The following CLEC4G variants were observed in gnomAD, a reference collection of about 807,000 sequenced individuals.
CLEC4G encodes the protein C-type lectin domain family 4 member G.
CLEC4G carries 34 observed loss-of-function variants against 37.0 expected under a neutral mutation model. The ratio of observed to expected loss-of-function variants is 0.92; its 90% CI spans 0.70 to 1.22. The LOEUF (loss-of-function observed/expected upper bound fraction) is 1.22, where lower values mean the gene tolerates loss of function less well. CLEC4G is among the 50% of genes most tolerant of loss of function. The pLI, the probability that CLEC4G is intolerant of heterozygous loss-of-function variation, is 0.00. For missense variants in CLEC4G, 390 were observed against 392.9 expected (o/e 0.99, Z 0.06); for synonymous variants, 167 against 165.6 (o/e 1.01, Z -0.06).
At position 7,731,294 on chromosome 19, in the gene CLEC4G, A is replaced by G. The variant is rs1245751204; in HGVS notation, c.192T>C (p.Leu64=). 5 of 1,586,398 alleles carry G rather than the reference A, an allele frequency of 3.2e-6. No homozygotes were observed. Among genetic ancestry groups the G allele is most frequent in the Non-Finnish European group, 4.3e-6 (5 of 1,170,784 alleles). The part of the protein sequence containing the change: ...SKASTERAAL[L]DGHDLLRTNA... ...TTGTCCTCAGCAGGTCGTGGCCGTC[A>G]AGCAGCGCCGCGCGCTCCGTGGAGG... The change falls in exon 3 of 9, where the codon CTT becomes CTC. Residue 64 remains leucine, a synonymous_variant. Transcript: ENST00000328853.
In CLEC4G at chr19:7,731,478, C is replaced by CT. The variant is rs1271397633; in HGVS notation, c.167-160dup. On this transcript the variant is annotated intron_variant, in intron 2 of 8. Coordinates refer to ENST00000328853, the MANE Select transcript of CLEC4G (RefSeq NM_198492.4). ...CCGATGGGAGACAAACGCGCGGGGA[C>CT]TCGCGCACATACGAGCACGCCATGT... The CT allele has an allele frequency of 2.7e-6, 4 of 1,474,372 alleles. No individual in the cohort carries two copies. The East Asian group carries it at 7.5e-5, about 27-fold the overall frequency. The allele number at this position is 1,474,372 out of a possible 1,614,324, so 91.3% of individuals were successfully genotyped here.
Position 7,730,495 on chromosome 19 carries a change from C to A in CLEC4G, c.389-55G>T. 1 of 1,583,102 alleles carries A rather than the reference C, an allele frequency of 6.3e-7. No individual in the cohort carries two copies. The highest frequency in any genetic ancestry group is 8.5e-7 in the Non-Finnish European group (1 of 1,172,530). ...CTGGGGTCAGGGCCAGGACCAGGGT[C>A]ATGACTAGCTAAAGGTCAGGACCCC... On this transcript the variant is annotated intron_variant, in intron 5 of 8. Transcript: ENST00000328853. The surrounding 1 kb of genome is among the most constrained non-coding windows in gnomAD (Gnocchi z 7.3).
Position 7,729,048 on chromosome 19 carries a change from C to T in CLEC4G, c.*318G>A. The T allele has an allele frequency of 2.2e-6, 1 of 451,634 alleles. No individual in the cohort carries two copies. The highest frequency in any genetic ancestry group is 4.2e-6 in the Non-Finnish European group (1 of 237,580). The allele number at this position is 451,634 out of a possible 1,614,324, so 28.0% of individuals were successfully genotyped here. On this transcript the variant is annotated 3_prime_UTR_variant, in exon 9 of 9. Coordinates refer to ENST00000328853, the MANE Select transcript of CLEC4G (RefSeq NM_198492.4). ...TGGAAAATGCGAGAAAACCAAACAG[C>T]TCCAGTCCTCAGTCACCTAACCTTG...
Position 7,730,575 on chromosome 19 carries a change from G to T in CLEC4G, c.389-135C>A, listed in dbSNP as rs2033413509. 3 of 1,460,834 alleles carry T rather than the reference G, an allele frequency of 2.1e-6. No individual in the cohort carries two copies. The highest frequency in any genetic ancestry group is 2.7e-6 in the Non-Finnish European group (3 of 1,108,982). The allele number at this position is 1,460,834 out of a possible 1,614,324, so 90.5% of individuals were successfully genotyped here. On this transcript the variant is annotated intron_variant, in intron 5 of 8. Transcript: ENST00000328853. This position sits in a 1 kb window ranked among gnomAD's most constrained non-coding sequence, Gnocchi z 7.3. ...GCGTCCAGGATGGCACAGGGTCAAG[G>T]GCGGTTACAACTGGGCAGGGTCCGG...
Position 7,731,721 on chromosome 19 carries a change from G to C in CLEC4G, c.106C>G (p.Leu36Val), listed in dbSNP as rs1189452460. The C allele has an allele frequency of 1.9e-6, 3 of 1,614,084 alleles. No homozygotes were observed. Among genetic ancestry groups the C allele is most frequent in the Admixed American group, 1.7e-5 (1 of 60,010 alleles). ...AGGACTGTGGTGACCAGGACAGCCAGGGCCAAGAAGAGGGGTCTCCTGCTC... is the reference window on the plus strand; with the variant it reads ...AGGACTGTGGTGACCAGGACAGCCACGGCCAAGAAGAGGGGTCTCCTGCTC... ...HWSRRPLFLA[L>V]AVLVTTVLWA... The change falls in exon 2 of 9, where the codon CTG becomes GTG. Residue 36 changes from leucine (L) to valine (V), a missense_variant. Coordinates refer to ENST00000328853, the MANE Select transcript of CLEC4G (RefSeq NM_198492.4).
chr19:7,729,673 T>G, intron 8 of CLEC4G, 148 bp downstream of exon 8: 3 of 1,416,072 alleles, frequency 2.1e-6, no homozygotes, highest in Non-Finnish European at 2.8e-6. Context: ...ACGCCCAGAA[T>G]TTAACCTGAG....
intron 3 of CLEC4G, 77 bp downstream of exon 3, chr19:7,731,189 C>A (rs1016813912): frequency 1.9e-6 from 3 of 1,574,120 alleles, no homozygotes; most frequent in Non-Finnish European, 1.7e-6. Flanking sequence ...CCCACGCACT[C>A]GAGACTCCAT....
chr19:7,731,446 A>G (rs2033431543), intron 2 of CLEC4G, 127 bp from the exon 3 acceptor site: 3 of 1,485,184 alleles, frequency 2.0e-6, no homozygotes, highest in Admixed American at 4.4e-5. Flanking sequence ...CACGATGTGC[A>G]CACACGCCGA....
chr19:7,731,901 G>A, intron 1 of CLEC4G, 130 bp from the exon 2 acceptor site: 1 of 1,521,498 alleles, frequency 6.6e-7, no homozygotes, highest in Non-Finnish European at 8.9e-7. Flanking sequence ...AAGCGGCAGA[G>A]TTGGAATTGG....
At position 7,729,722 on chromosome 19, in the gene CLEC4G, G is replaced by C. The variant is rs182623275; in HGVS notation, c.743+99C>G. On this transcript the variant is annotated intron_variant, in intron 8 of 8. Coordinates refer to ENST00000328853, the MANE Select transcript of CLEC4G (RefSeq NM_198492.4). ...GTCCAGCCTGCCCATCCCTAAGTAT[G>C]GAGCCCCAGCCGAGGGGTCCCTGAG... 2.6e-6 allele frequency: 4 copies of C among 1,547,050 alleles called. 1 individual carries two copies. The Admixed American group carries it at 6.0e-5, about 23-fold the overall frequency.
At chr19:7,731,196 C>G in intron 3 of CLEC4G, 70 bp downstream of exon 3, 2 of 1,572,116 alleles carry the variant, frequency 1.3e-6, no homozygotes, top group Non-Finnish European at 1.7e-6. Flanking sequence ...ACTCGAGACT[C>G]CATCTCCGGG....
Position 7,729,101 on chromosome 19 carries a change from C to T in CLEC4G, c.*265G>A, listed in dbSNP as rs773366160. On this transcript the variant is annotated 3_prime_UTR_variant, in exon 9 of 9. Transcript: ENST00000328853. Reference sequence around the variant, plus strand: ...TAGGGAGAGAAGTGGAGGCATATCACGGGGACGCAGGAGCAGGGATTTTGG... The same window carrying T: ...TAGGGAGAGAAGTGGAGGCATATCATGGGGACGCAGGAGCAGGGATTTTGG... The T allele has an allele frequency of 1.0e-5, 6 of 598,548 alleles. No homozygotes were observed. The highest frequency in any genetic ancestry group is 3.7e-5 in the African/African-American group (2 of 54,728). 37.1% of individuals were successfully genotyped at this position (598,548 alleles called of 1,614,324 possible). A position where few individuals can be genotyped will look rare whatever the true frequency, so the allele number is the denominator to read the frequency against.
In CLEC4G at chr19:7,730,520, C is replaced by G. The variant is rs2033412911; in HGVS notation, c.389-80G>C. The G allele has an allele frequency of 1.3e-6, 2 of 1,545,018 alleles. No homozygotes were observed. Among genetic ancestry groups the G allele is most frequent in the African/African-American group, 1.4e-5 (1 of 73,540 alleles). On this transcript the variant is annotated intron_variant, in intron 5 of 8. Transcript: ENST00000328853. This position sits in a 1 kb window ranked among gnomAD's most constrained non-coding sequence, Gnocchi z 7.3. ...CATGACTAGCTAAAGGTCAGGACCC[C>G]TGTCTGTGGTCATTGTACCCTCGGT...
Position 7,732,041 on chromosome 19 carries a change from C to G in CLEC4G, c.55+7G>C. 1 of 1,601,094 alleles carries G rather than the reference C, an allele frequency of 6.2e-7. No individual in the cohort carries two copies. Among genetic ancestry groups the G allele is most frequent in the Non-Finnish European group, 8.6e-7 (1 of 1,168,126 alleles). On this transcript the variant is annotated splice_region_variant and intron_variant, in intron 1 of 8. Coordinates refer to ENST00000328853, the MANE Select transcript of CLEC4G (RefSeq NM_198492.4). Reference sequence around the variant, plus strand: ...GGGCAGGGATGGGGCAGTCTCCTTGCTCATACCTCCGGGGACCTCCTCGGA... The same window carrying G: ...GGGCAGGGATGGGGCAGTCTCCTTGGTCATACCTCCGGGGACCTCCTCGGA...
rs948000763 is a variant in CLEC4G at position 7,729,365 on chromosome 19, G to T, written c.*1C>A. On this transcript the variant is annotated 3_prime_UTR_variant, in exon 9 of 9. Transcript: ENST00000328853. ...GCGCGGCTCCAGGGCACTGGGCGGGGTCAGCAGTTGTGCCTTTTCTCACAG... is the reference window on the plus strand; with the variant it reads ...GCGCGGCTCCAGGGCACTGGGCGGGTTCAGCAGTTGTGCCTTTTCTCACAG... 1.1e-5 allele frequency: 18 copies of T among 1,602,128 alleles called. No homozygotes were observed. Among genetic ancestry groups the T allele is most frequent in the African/African-American group, 2.7e-5 (2 of 74,690 alleles).
In CLEC4G at chr19:7,729,438, C is replaced by A. The variant is rs768163844; in HGVS notation, c.810G>T (p.Thr270=). The A allele has an allele frequency of 6.2e-7, 1 of 1,602,146 alleles. No individual in the cohort carries two copies. The highest frequency in any genetic ancestry group is 1.7e-5 in the Admixed American group (1 of 59,968). Residue 270 remains threonine (T), a synonymous_variant, in exon 9 of 9, where the codon ACG becomes ACT. Transcript: ENST00000328853. The part of the protein sequence containing the change: ...GRENCVMMLH[T]GLWNDAPCDS... ...CACACGGTGCGTCGTTCCACAGCCC[C>A]GTGTGCAGCATCATGACACAGTTCT...
At chr19:7,731,502 G>T (rs115469221) in intron 2 of CLEC4G, among the ~76,000 whole-genome samples, 159 bp downstream of exon 2, 3,581 of 152,336 alleles carry the variant, frequency 0.024, 118 homozygotes, top group African/African-American at 0.069. Context: ...AGCACGCCAT[G>T]TGCACACGCG....
At position 7,729,933 on chromosome 19, in the gene CLEC4G, A is replaced by T; in HGVS notation, c.631T>A (p.Phe211Ile). The change falls in exon 8 of 9, where the codon TTC becomes ATC. Residue 211 changes from phenylalanine to isoleucine, a missense_variant. Phe to Ile is a conservative substitution (Grantham distance 21, BLOSUM62 0). Transcript: ENST00000328853. ...CGGCCACGCGTGTTCCGAGTGAGGAAGCCCTAGAAAGGAGGGGACATCTGA... is the reference window on the plus strand; with the variant it reads ...CGGCCACGCGTGTTCCGAGTGAGGATGCCCTAGAAAGGAGGGGACATCTGA... ...VIVGGLDEQG[F>I]LTRNTRGRGY... 2 of 1,613,976 alleles carry T rather than the reference A, an allele frequency of 1.2e-6. No individual in the cohort carries two copies. Among genetic ancestry groups the T allele is most frequent in the Non-Finnish European group, 8.5e-7 (1 of 1,179,958 alleles).
Position 7,730,699 on chromosome 19 carries a change from G to A in CLEC4G, c.388+56C>T. On this transcript the variant is annotated intron_variant, in intron 5 of 8. Transcript: ENST00000328853. This position sits in a 1 kb window ranked among gnomAD's most constrained non-coding sequence, Gnocchi z 7.3. ...GTCGGGGGTCAGCACTCAGGACGGGGTCGGGGTCGGGGGACGCGGCCAGGG... is the reference window on the plus strand; with the variant it reads ...GTCGGGGGTCAGCACTCAGGACGGGATCGGGGTCGGGGGACGCGGCCAGGG... 1 of 1,500,090 alleles carries A rather than the reference G, an allele frequency of 6.7e-7. No individual in the cohort carries two copies. The highest frequency in any genetic ancestry group is 1.4e-5 in the African/African-American group (1 of 71,934). The allele number at this position is 1,500,090 out of a possible 1,614,324, so 92.9% of individuals were successfully genotyped here.
Sources: allele counts gnomAD v4.1 joint callset (sites outside exome capture counted in the v4.1 genomes callset), GRCh38; gene constraint gnomAD v4.1.1; non-coding constraint Gnocchi (gnomAD v3.1); transcripts MANE v1.5; gene names NCBI Gene and HGNC (gene_info 2026-07-23, HGNC 2026-07-21).